Variants in ANKS1B observed in about 807,000 individuals in gnomAD.
ANKS1B encodes the protein ankyrin repeat and sterile alpha motif domain containing 1B.
ANKS1B carries 36 observed loss-of-function variants against 148.3 expected under a neutral mutation model. The observed-to-expected ratio is 0.24, with a 90% CI of 0.19 to 0.32. The LOEUF (loss-of-function observed/expected upper bound fraction) is 0.32. ANKS1B is among the 10% of genes least tolerant of loss of function. The pLI, the probability that ANKS1B is intolerant of heterozygous loss-of-function variation, is 1.00. For synonymous variants in ANKS1B, 542 were observed against 560.8 expected, an observed-to-expected ratio of 0.97 and a Z score of 0.47; for missense variants, 1,157 against 1,542.6, an observed-to-expected ratio of 0.75 and a Z score of 4.19.
At chr12:99,733,673 G>C (rs2059370471) in intron 8 of ANKS1B, among the ~76,000 whole-genome samples, 1 of 152,160 alleles carries the variant, frequency 6.6e-6, no homozygotes, top group Non-Finnish European at 1.5e-5. Context: ...AAGTAACCAA[G>C]TAGGGTTTAA....
intron 14 of ANKS1B, among the ~76,000 whole-genome samples, chr12:99,227,125 G>C (rs2086069628): frequency 6.6e-6 from 1 of 152,090 alleles, no homozygotes; most frequent in South Asian, 2.1e-4. Flanking sequence ...CTGGTGGGAG[G>C]TTACTGGATC....
At chr12:99,942,135 G>A (rs764767686) in intron 1 of ANKS1B, among the ~76,000 whole-genome samples, 6 of 152,108 alleles carry the variant, frequency 3.9e-5, no homozygotes, top group Non-Finnish European at 7.4e-5. Context: ...TTAACGAGAT[G>A]AGAGAAGGCA....
intron 11 of ANKS1B, among the ~76,000 whole-genome samples, chr12:99,400,385 G>A (rs1284974189): frequency 6.9e-6 from 1 of 145,834 alleles, no homozygotes; most frequent in Non-Finnish European, 1.5e-5. Flanking sequence ...GGTATTTTTA[G>A]TGAACTTTGA....
chr12:99,053,830 G>A (rs1436422298), intron 16 of ANKS1B, among the ~76,000 whole-genome samples: 1 of 152,212 alleles, frequency 6.6e-6, no homozygotes, highest in African/African-American at 2.4e-5. Flanking sequence ...CGGTGAACCA[G>A]TAAAGGAGAG....
At chr12:98,817,007 G>GA (rs1321316708) in intron 19 of ANKS1B, among the ~76,000 whole-genome samples, 4 of 150,134 alleles carry the variant, frequency 2.7e-5, no homozygotes, top group African/African-American at 7.3e-5. Context: ...AAAAAAAAAA[G>GA]AAAAAAAGAC....
At chr12:99,134,645 T>TCTCACA (rs1380319841) in intron 15 of ANKS1B, among the ~76,000 whole-genome samples, 194 of 105,080 alleles carry the variant, frequency 1.8e-3, no homozygotes, top group South Asian at 4.1e-3. Flanking sequence ...TCTCTCTCTC[T>TCTCACA]CACACACACA....
intron 9 of ANKS1B, among the ~76,000 whole-genome samples, chr12:99,565,908 G>A (rs1313211149): frequency 2.0e-5 from 3 of 152,164 alleles, no homozygotes; most frequent in Non-Finnish European, 4.4e-5. Context: ...GCTTCCTGCT[G>A]AGAGGGCTAG....
Position 98,744,695 on chromosome 12 carries a change from T to C in ANKS1B, c.*1044A>G. The C allele has an allele frequency of 4.2e-6, 4 of 962,442 alleles. No homozygotes were observed. Among genetic ancestry groups the C allele is most frequent in the South Asian group, 9.6e-5 (2 of 20,850 alleles). The allele number at this position is 962,442 out of a possible 1,614,324, so 59.6% of individuals were successfully genotyped here. On this transcript the variant is annotated 3_prime_UTR_variant, in exon 27 of 27. Coordinates refer to ENST00000683438, the MANE Select transcript of ANKS1B (RefSeq NM_001352186.2). ...GAATTTCTTCTTTTTTTTTTTTGTA[T>C]TTATTTTTTCTAGAAAAAGAAATTT...
At chr12:99,318,415 T>C (rs531202487) in intron 12 of ANKS1B, among the ~76,000 whole-genome samples, 2 of 152,324 alleles carry the variant, frequency 1.3e-5, no homozygotes, top group Admixed American at 1.3e-4. Flanking sequence ...TGTTCAGGAA[T>C]TTATTCATTT....
chr12:99,764,951 G>T (rs1381514760), intron 8 of ANKS1B, among the ~76,000 whole-genome samples: 1 of 152,190 alleles, frequency 6.6e-6, no homozygotes, highest in East Asian at 1.9e-4. Context: ...AATATGAGCA[G>T]ATGAAGAGGA....
chr12:99,034,188 A>G (rs1312630873), intron 17 of ANKS1B, among the ~76,000 whole-genome samples: 1 of 152,256 alleles, frequency 6.6e-6, no homozygotes, highest in Non-Finnish European at 1.5e-5. Context: ...AAGCAGCAAT[A>G]GGAGTGGAGA....
intron 4 of ANKS1B, among the ~76,000 whole-genome samples, chr12:99,786,648 A>G (rs2065037715): frequency 6.6e-6 from 1 of 152,180 alleles, no homozygotes; most frequent in South Asian, 2.1e-4. Flanking sequence ...TACAATCTCT[A>G]TGAACTCCAG....
chr12:99,695,648 A>G (rs1271147383), intron 8 of ANKS1B, among the ~76,000 whole-genome samples: 1 of 152,112 alleles, frequency 6.6e-6, no homozygotes, highest in Non-Finnish European at 1.5e-5. Context: ...CAAACACCGC[A>G]TGTTCTCACT....
intron 11 of ANKS1B, among the ~76,000 whole-genome samples, chr12:99,403,399 T>C (rs2094458259): frequency 6.9e-6 from 1 of 144,120 alleles, no homozygotes; most frequent in African/African-American, 2.6e-5. Flanking sequence ...TCAAGTGATC[T>C]GCCCACCTCA....
chr12:99,427,742 G>A (rs182976207), intron 11 of ANKS1B, among the ~76,000 whole-genome samples: 29 of 152,298 alleles, frequency 1.9e-4, no homozygotes, highest in Non-Finnish European at 3.7e-4. Context: ...GCAAATATGA[G>A]TAAAACGGAT....
At chr12:99,657,922 A>AAAAAT (rs1377757458) in intron 8 of ANKS1B, among the ~76,000 whole-genome samples, 2 of 137,710 alleles carry the variant, frequency 1.5e-5, no homozygotes, top group Non-Finnish European at 3.2e-5. Context: ...AAAAAAAAAA[A>AAAAAT]GCTTATCTCT....
At chr12:99,595,867 C>T (rs1468083052) in intron 9 of ANKS1B, among the ~76,000 whole-genome samples, 1 of 151,842 alleles carries the variant, frequency 6.6e-6, no homozygotes, top group Non-Finnish European at 1.5e-5. Context: ...AATTTTCTCA[C>T]CAACTTTTGA....
At chr12:99,640,421 G>T (rs533882370) in intron 9 of ANKS1B, among the ~76,000 whole-genome samples, 2 of 152,096 alleles carry the variant, frequency 1.3e-5, no homozygotes, top group Non-Finnish European at 2.9e-5. Context: ...ACTATTAAAA[G>T]ATAATTAGAC....
Position 99,825,301 on chromosome 12 carries a change from G to T in ANKS1B, c.215+8C>A. The T allele has an allele frequency of 4.4e-6, 7 of 1,607,028 alleles. No homozygotes were observed. Among genetic ancestry groups the T allele is most frequent in the Non-Finnish European group, 5.1e-6 (6 of 1,174,864 alleles). On this transcript the variant is annotated splice_region_variant and intron_variant, in intron 2 of 26. Coordinates refer to ENST00000683438, the MANE Select transcript of ANKS1B (RefSeq NM_001352186.2). ...ACACACGATTCCGTCCAAATAAGTG[G>T]CACTTACTTATGTCCATTTAAGGCT...
Sources: allele counts gnomAD v4.1 joint callset (sites outside exome capture counted in the v4.1 genomes callset), GRCh38; gene constraint gnomAD v4.1.1; transcripts MANE v1.5; gene names NCBI Gene and HGNC (gene_info 2026-07-23, HGNC 2026-07-21).